Variants in KIAA1549L observed in about 807,000 individuals in gnomAD.
KIAA1549L encodes the protein UPF0606 protein KIAA1549L.
Under a neutral mutation model 160.7 loss-of-function variants are expected in KIAA1549L, and 88 were observed. That is an observed-to-expected ratio of 0.55 (90% CI 0.46 to 0.65). The LOEUF (loss-of-function observed/expected upper bound fraction) is 0.65. Among genes scored for constraint, KIAA1549L ranks in the 30% least tolerant of loss-of-function variants. KIAA1549L has a pLI of 0.00. For synonymous variants in KIAA1549L, 950 were observed against 976.7 expected, an observed-to-expected ratio of 0.97 and a Z score of 0.51; for missense variants, 2,258 against 2,437.5, an observed-to-expected ratio of 0.93 and a Z score of 1.55.
At chr11:33,565,072 G>T (rs528677252) in intron 8 of KIAA1549L, among the ~76,000 whole-genome samples, 1 of 152,314 alleles carries the variant, frequency 6.6e-6, no homozygotes, top group African/African-American at 2.4e-5. Flanking sequence ...CCAGGGCCCT[G>T]GCTGATGCAC....
At chr11:33,584,731 T>A (rs970108910) in intron 11 of KIAA1549L, among the ~76,000 whole-genome samples, 1 of 152,078 alleles carries the variant, frequency 6.6e-6, no homozygotes, top group Non-Finnish European at 1.5e-5. Flanking sequence ...GACTTTGGGG[T>A]TTGTCCAAAG....
intron 6 of KIAA1549L, among the ~76,000 whole-genome samples, chr11:33,556,492 A>T (rs1215118622): frequency 2.0e-5 from 3 of 152,228 alleles, no homozygotes; most frequent in Admixed American, 6.5e-5. Context: ...AATGAAGGAA[A>T]TAATGGATGA....
intron 1 of KIAA1549L, among the ~76,000 whole-genome samples, chr11:33,385,194 C>G (rs995057875): frequency 6.6e-6 from 1 of 152,118 alleles, no homozygotes; most frequent in African/African-American, 2.4e-5. Context: ...TTTAATTGTT[C>G]TAGCACCACT....
rs200784313 is a variant in KIAA1549L at position 33,574,742 on chromosome 11, C to T, written c.4271C>T (p.Ala1424Val). Residue 1424 changes from alanine to valine, a missense_variant, in exon 10 of 21, where the codon GCG (alanine) becomes GTG (valine). By Grantham distance (64) the Ala-to-Val change is moderately conservative. This residue lies in a region of KIAA1549L where 1,359 missense variants were observed against 1,546.6 expected (regional missense o/e 0.88). Transcript: ENST00000658780. ...CGTGTCCCAGGCCCGAAGGACCCAG[C>T]GGAGCTGACTTACTATACCCTGTAC... Reference protein sequence around the residue: ...MQRVPGPKDPAELTYYTLYNG... With the variant: ...MQRVPGPKDPVELTYYTLYNG... 8.1e-5 allele frequency: 130 copies of T among 1,613,544 alleles called. No individual in the cohort carries two copies. The East Asian group carries it at 1.6e-3, about 20-fold the overall frequency.
intron 1 of KIAA1549L, among the ~76,000 whole-genome samples, chr11:33,411,393 C>A (rs1377289376): frequency 6.6e-6 from 1 of 152,270 alleles, no homozygotes; most frequent in Admixed American, 6.5e-5. Context: ...ATCCCTGGGG[C>A]AGCCTGCTCC....
chr11:33,475,282 G>T (rs1008208859), intron 1 of KIAA1549L, among the ~76,000 whole-genome samples: 18 of 152,090 alleles, frequency 1.2e-4, no homozygotes, highest in African/African-American at 4.3e-4. Context: ...TTTTTACTTA[G>T]CCTTGTTCTA....
intron 8 of KIAA1549L, among the ~76,000 whole-genome samples, chr11:33,565,719 T>C (rs963218209): frequency 6.6e-6 from 1 of 151,364 alleles, no homozygotes; most frequent in African/African-American, 2.4e-5. Flanking sequence ...TTTTTTTTTT[T>C]CAAAAAAATT....
intron 1 of KIAA1549L, among the ~76,000 whole-genome samples, chr11:33,414,166 A>G (rs1204717529): frequency 6.6e-6 from 1 of 152,220 alleles, no homozygotes; most frequent in Admixed American, 6.5e-5. Flanking sequence ...GAAGTCTATT[A>G]AAATTATAGT....
intron 1 of KIAA1549L, among the ~76,000 whole-genome samples, chr11:33,473,023 G>A (rs1852212378): frequency 6.6e-6 from 1 of 152,090 alleles, no homozygotes; most frequent in Non-Finnish European, 1.5e-5. Context: ...CCCAGTGCAG[G>A]GTCTCAAATA....
intron 7 of KIAA1549L, 86 bp from the exon 8 acceptor site, chr11:33,561,590 G>T (rs1854860310): frequency 9.3e-7 from 1 of 1,080,308 alleles, no homozygotes; most frequent in Non-Finnish European, 1.4e-6. Flanking sequence ...AACATATCAA[G>T]ATCCCATCTC....
At chr11:33,468,193 C>T (rs1373637072) in intron 1 of KIAA1549L, among the ~76,000 whole-genome samples, 6 of 152,194 alleles carry the variant, frequency 3.9e-5, no homozygotes, top group Non-Finnish European at 5.9e-5. Context: ...GTATTACACT[C>T]GGCTCTTCAA....
chr11:33,506,906 A>G (rs1853104449), intron 1 of KIAA1549L, among the ~76,000 whole-genome samples: 1 of 152,170 alleles, frequency 6.6e-6, no homozygotes, highest in African/African-American at 2.4e-5. Flanking sequence ...ACCTCCCACC[A>G]AAACCAGGGC....
At chr11:33,492,056 C>G (rs1382946078) in intron 1 of KIAA1549L, among the ~76,000 whole-genome samples, 1 of 152,126 alleles carries the variant, frequency 6.6e-6, no homozygotes, top group East Asian at 1.9e-4. Flanking sequence ...TACCTCTGCC[C>G]AGGGAGACAC....
chr11:33,614,531 G>GCT (rs879500574), intron 15 of KIAA1549L, among the ~76,000 whole-genome samples: 1,449 of 27,066 alleles, frequency 0.054, 501 homozygotes, highest in East Asian at 0.077. Flanking sequence ...AGTGTAACAA[G>GCT]ATATATATAT....
intron 16 of KIAA1549L, among the ~76,000 whole-genome samples, chr11:33,624,119 C>A (rs576809216): frequency 1.2e-4 from 18 of 152,286 alleles, no homozygotes; most frequent in African/African-American, 4.3e-4. Flanking sequence ...CACTACAAGG[C>A]CTCAGCTGAC....
intron 1 of KIAA1549L, among the ~76,000 whole-genome samples, chr11:33,458,369 T>G (rs1851872822): frequency 6.6e-6 from 1 of 152,212 alleles, no homozygotes; most frequent in Admixed American, 6.5e-5. Context: ...TCTGCAAATG[T>G]TAGGAGTAGG....
At chr11:33,405,668 C>A (rs1590223183) in intron 1 of KIAA1549L, among the ~76,000 whole-genome samples, 1 of 151,364 alleles carries the variant, frequency 6.6e-6, no homozygotes, top group Middle Eastern at 3.4e-3. Context: ...ATGGTGAAAC[C>A]CCGTCTCTAC....
intron 1 of KIAA1549L, among the ~76,000 whole-genome samples, chr11:33,381,209 C>A (rs953064755): frequency 6.6e-6 from 1 of 152,006 alleles, no homozygotes. Flanking sequence ...AGTTTGTGGA[C>A]CCCATTTTGA....
chr11:33,509,220 A>T (rs745539945), intron 1 of KIAA1549L, among the ~76,000 whole-genome samples: 1 of 152,216 alleles, frequency 6.6e-6, no homozygotes, highest in Non-Finnish European at 1.5e-5. Context: ...TAGACCTTAC[A>T]GAAAAGGCCA....
Sources: gnomAD v4.1 joint callset for allele counts (sites outside exome capture counted in the v4.1 genomes callset) on GRCh38, gnomAD v4.1.1 for gene constraint, gnomAD v4.1.1 regional missense constraint, MANE v1.5 for transcripts, NCBI Gene and HGNC (gene_info 2026-07-23, HGNC 2026-07-21) for gene names.